Variants in CACNA1S observed in about 807,000 individuals in gnomAD.
The protein encoded by CACNA1S is calcium voltage-gated channel subunit alpha1 S, also known as voltage-dependent L-type calcium channel subunit alpha-1S.
Under a neutral mutation model 207.4 loss-of-function variants are expected in CACNA1S, and 126 were observed. The ratio of observed to expected loss-of-function variants is 0.61; its 90% CI spans 0.53 to 0.70. CACNA1S has a LOEUF of 0.70. CACNA1S is among the 30% of genes least tolerant of loss of function. The probability of loss-of-function intolerance (pLI) is 0.00; values close to 1 mark genes in which losing one functional copy is unlikely to be tolerated. For missense variants in CACNA1S, 2,349 were observed against 2,422.8 expected (o/e 0.97, Z 0.64); for synonymous variants, 960 against 932.7 (o/e 1.03, Z -0.53).
chr1:201,069,137 C>T lies in CACNA1S; in HGVS notation c.2550G>A (p.Lys850=). 5 of 1,613,960 alleles carry T rather than the reference C, an allele frequency of 3.1e-6. No individual in the cohort carries two copies. Among genetic ancestry groups the T allele is most frequent in the Non-Finnish European group, 4.2e-6 (5 of 1,179,840 alleles). The change falls in exon 19 of 44, where the codon AAG becomes AAA. Residue 850 remains lysine, a splice_region_variant and synonymous_variant. Coordinates refer to ENST00000362061, the MANE Select transcript of CACNA1S (RefSeq NM_000069.3). ...GGGCTGCCCCACAGCCTTCACTCAC[C>T]TTGAGGACAATCTCCACAGTGAAGA... ...TSVFTVEIVL[K]MTTYGAFLHK...
chr1:201,086,255 G>C (rs527636324), intron 7 of CACNA1S, among the ~76,000 whole-genome samples: 2 of 152,350 alleles, frequency 1.3e-5, no homozygotes, highest in East Asian at 3.9e-4. Flanking sequence ...CTCTTGACCA[G>C]TTTGTGCCAT....
intron 2 of CACNA1S, among the ~76,000 whole-genome samples, chr1:201,104,820 G>C (rs889030753): frequency 1.3e-5 from 2 of 152,182 alleles, no homozygotes; most frequent in Non-Finnish European, 2.9e-5. Flanking sequence ...CCTCAGCCTG[G>C]CCTAGGCTGG....
chr1:201,086,987 C>A (rs1291222078), intron 7 of CACNA1S, among the ~76,000 whole-genome samples: 2 of 152,166 alleles, frequency 1.3e-5, no homozygotes, highest in Non-Finnish European at 2.9e-5. Context: ...AGTTTACAGA[C>A]TCCCAGAATT....
intron 2 of CACNA1S, among the ~76,000 whole-genome samples, chr1:201,101,564 A>G (rs773948652): frequency 7.9e-5 from 12 of 152,206 alleles, no homozygotes; most frequent in Non-Finnish European, 1.2e-4. Context: ...GCCCTCCTCT[A>G]CTGGCAATGC....
rs1294777232 is a variant in CACNA1S, at chr1:201,069,149, C to A, written c.2538G>T (p.Glu846Asp). 2.5e-6 allele frequency: 4 copies of A among 1,613,980 alleles called. No homozygotes were observed. The highest frequency in any genetic ancestry group is 3.4e-6 in the Non-Finnish European group (4 of 1,179,968). Residue 846 changes from glutamate to aspartate, a missense_variant, in exon 19 of 44, where the codon GAG becomes GAT. Coordinates refer to ENST00000362061, the MANE Select transcript of CACNA1S (RefSeq NM_000069.3). Reference protein sequence around the residue: ...DIGFTSVFTVEIVLKMTTYGA... With the variant: ...DIGFTSVFTVDIVLKMTTYGA... ...AGCCTTCACTCACCTTGAGGACAAT[C>A]TCCACAGTGAAGACAGAGGTGAACC...
chr1:201,058,392 C>A lies in CACNA1S; in HGVS notation c.3609+16G>T. 6.2e-7 allele frequency: 1 copy of A among 1,611,100 alleles called. No individual in the cohort carries two copies. Among genetic ancestry groups the A allele is most frequent in the Non-Finnish European group, 8.5e-7 (1 of 1,177,218 alleles). On this transcript the variant is annotated intron_variant, in intron 28 of 43. Transcript: ENST00000362061. ...TGGGCCCACCCTAGTGATGGCTCTG[C>A]CTGCCTGATACTCACGTCGATCTCA...
chr1:201,058,660 C>T (rs1660934335), intron 27 of CACNA1S, among the ~76,000 whole-genome samples, 169 bp from the exon 28 acceptor site: 2 of 152,214 alleles, frequency 1.3e-5, no homozygotes, highest in Admixed American at 6.5e-5. Context: ...GCTCCCCCAA[C>T]TCCAACACTC....
At chr1:201,040,107 T>A (rs765069491) in intron 43 of CACNA1S, 25 bp from the exon 44 acceptor site, 1 of 1,613,318 alleles carries the variant, frequency 6.2e-7, no homozygotes, top group Non-Finnish European at 8.5e-7. Context: ...GTAGGCTGAG[T>A]GGGGTCTTCC....
chr1:201,085,264 G>C (rs904378727), intron 8 of CACNA1S, among the ~76,000 whole-genome samples, 172 bp downstream of exon 8: 3 of 152,180 alleles, frequency 2.0e-5, no homozygotes, highest in Non-Finnish European at 2.9e-5. Flanking sequence ...CCTTTGGGAA[G>C]AGCTCTGGTC....
At chr1:201,080,261 G>T (rs1416741142) in intron 10 of CACNA1S, among the ~76,000 whole-genome samples, 2 of 152,116 alleles carry the variant, frequency 1.3e-5, no homozygotes, top group Non-Finnish European at 2.9e-5. Flanking sequence ...CCAAGACAAA[G>T]CTCAGGGATA....
chr1:201,040,759 C>G (rs773120789), intron 41 of CACNA1S, 46 bp from the exon 42 acceptor site: 4 of 1,467,400 alleles, frequency 2.7e-6, no homozygotes, highest in Non-Finnish European at 3.8e-6. Context: ...CTGACTCCTG[C>G]CAGGAGCCCT....
intron 7 of CACNA1S, among the ~76,000 whole-genome samples, chr1:201,087,441 G>T (rs899184766): frequency 6.6e-6 from 1 of 152,166 alleles, no homozygotes; most frequent in East Asian, 1.9e-4. Context: ...CACCCCCGGG[G>T]CCAGGAGGCT....
intron 22 of CACNA1S, among the ~76,000 whole-genome samples, chr1:201,065,369 A>G (rs1661202912): frequency 2.0e-5 from 3 of 152,250 alleles, no homozygotes; most frequent in Non-Finnish European, 4.4e-5. Context: ...GCTGTCTCTT[A>G]AAAGTTTGAT....
At position 201,043,508 on chromosome 1, in the gene CACNA1S, C is replaced by T; in HGVS notation, c.4821G>A (p.Gln1607=). ...TGGTCCTTTCCAGGAAGTTGTCCACCTGGCCAAACAGGCCTCCAGTCCTCT... is the reference window on the plus strand; with the variant it reads ...TGGTCCTTTCCAGGAAGTTGTCCACTTGGCCAAACAGGCCTCCAGTCCTCT... ...IFRRTGGLFG[Q]VDNFLERTNS... is the part of the protein sequence containing the mutation. The change falls in exon 40 of 44, where the codon CAG becomes CAA. Residue 1607 remains glutamine, a synonymous_variant. Transcript: ENST00000362061. The T allele has an allele frequency of 1.9e-6, 3 of 1,614,002 alleles. No individual in the cohort carries two copies. The highest frequency in any genetic ancestry group is 2.5e-6 in the Non-Finnish European group (3 of 1,180,008).
chr1:201,097,033 C>G (rs190629885), intron 2 of CACNA1S, among the ~76,000 whole-genome samples: 1 of 152,240 alleles, frequency 6.6e-6, no homozygotes, highest in African/African-American at 2.4e-5. Context: ...CTCAGTGGCC[C>G]AAGCCAGAAA....
chr1:201,056,413 A>G (rs1331025249), intron 28 of CACNA1S, among the ~76,000 whole-genome samples: 1 of 152,054 alleles, frequency 6.6e-6, no homozygotes, highest in African/African-American at 2.4e-5. Flanking sequence ...AACTCACCCT[A>G]AGGTTCACCC....
Position 201,075,523 on chromosome 1 carries a change from G to A in CACNA1S, c.1920C>T (p.Tyr640=). The A allele has an allele frequency of 3.7e-6, 6 of 1,613,552 alleles. No homozygotes were observed. The highest frequency in any genetic ancestry group is 5.1e-6 in the Non-Finnish European group (6 of 1,179,974). ...PSYPGMLVCI[Y]FIILFVCGNY... ...TGCCACAGACGAAAAGGATGATGAA[G>A]TAAATGCACACAAGCATGCCAGGGT... is the stretch of plus-strand genomic sequence containing the variant. The change falls in exon 13 of 44, where the codon TAC becomes TAT. Residue 640 remains tyrosine (Y), a synonymous_variant. Coordinates refer to ENST00000362061, the MANE Select transcript of CACNA1S (RefSeq NM_000069.3).
intron 37 of CACNA1S, 99 bp from the exon 38 acceptor site, chr1:201,047,338 A>C: frequency 6.5e-7 from 1 of 1,528,132 alleles, no homozygotes; most frequent in Non-Finnish European, 9.0e-7. Context: ...GCATGCAAGC[A>C]ATCCTTTGTC....
intron 37 of CACNA1S, 40 bp downstream of exon 37, chr1:201,047,485 T>C (rs1167187204): frequency 6.5e-7 from 1 of 1,530,708 alleles, no homozygotes; most frequent in Non-Finnish European, 9.1e-7. Flanking sequence ...TCCCATTCCT[T>C]GGCTGCTTCT....
Sources: gnomAD v4.1 joint callset for allele counts (sites outside exome capture counted in the v4.1 genomes callset) on GRCh38, gnomAD v4.1.1 for gene constraint, MANE v1.5 for transcripts, NCBI Gene and HGNC (gene_info 2026-07-23, HGNC 2026-07-21) for gene names.